Variants in C4orf33 observed in about 807,000 individuals in gnomAD.
C4orf33 encodes UPF0462 protein C4orf33.
In C4orf33, 20 loss-of-function variants were observed where a neutral mutation model predicts 24.3. That is an observed-to-expected ratio of 0.82 (90% CI 0.58 to 1.19). The LOEUF is 1.19. Among genes scored for constraint, C4orf33 ranks in the 50% most tolerant of loss-of-function variants. The probability of loss-of-function intolerance (pLI) is 0.00; values close to 1 mark genes in which losing one functional copy is unlikely to be tolerated. For missense variants in C4orf33, 207 were observed against 225.9 expected (o/e 0.92, Z 0.54); for synonymous variants, 67 against 76.4 (o/e 0.88, Z 0.64).
chr4:129,102,454 A>G (rs2125800603), intron 1 of C4orf33, 148 bp from the exon 2 acceptor site: 3 of 540,912 alleles, frequency 5.5e-6, no homozygotes, highest in South Asian at 5.7e-5. Context: ...GCACAACACA[A>G]GATAGCCTTT....
intron 5 of C4orf33, among the ~76,000 whole-genome samples, chr4:129,111,390 G>C (rs778730212): frequency 2.0e-5 from 3 of 152,266 alleles, no homozygotes; most frequent in Middle Eastern, 3.4e-3. Flanking sequence ...AATATGATTT[G>C]TTTAAAGCTG....
chr4:129,095,529 A>G (rs558236193), upstream of C4orf33, among the ~76,000 whole-genome samples: 11 of 152,356 alleles, frequency 7.2e-5, no homozygotes, highest in Non-Finnish European at 1.5e-5. Context: ...TCAAGCCACC[A>G]TTTAATGTTT....
At chr4:129,097,547 T>C (rs1250901649) in intron 1 of C4orf33, among the ~76,000 whole-genome samples, 1 of 152,262 alleles carries the variant, frequency 6.6e-6, no homozygotes, top group East Asian at 1.9e-4. Context: ...TGTTTCATTG[T>C]ATGGTATAGC....
rs389376 is a variant in C4orf33, at chr4:129,115,024, A to T, written c.*3233A>T. On this transcript the variant is annotated 3_prime_UTR_variant, in exon 6 of 6. Coordinates refer to ENST00000425929, the MANE Select transcript of C4orf33 (RefSeq NM_001099783.2). ...CACCTCACCATTCAAACCACTTGAA[A>T]CTACTGAAGAGTTTGGCCAAATGTG... 3 of 152,038 alleles carry T rather than the reference A, an allele frequency of 2.0e-5. No individual in the cohort carries two copies. Among genetic ancestry groups the T allele is most frequent in the Admixed American group, 1.3e-4 (2 of 15,268 alleles). The allele number at this position is 152,038 out of a possible 1,614,324, so 9.4% of individuals were successfully genotyped here.
At position 129,111,978 on chromosome 4, in the gene C4orf33, G is replaced by A; in HGVS notation, c.*187G>A. On this transcript the variant is annotated 3_prime_UTR_variant, in exon 6 of 6. Transcript: ENST00000425929. ...ACAAGAAAATATATGATTCTTTGTA[G>A]ATGATTTCATCTGTAAAGTCACAAT... The A allele has an allele frequency of 2.2e-6, 1 of 459,196 alleles. No individual in the cohort carries two copies. The highest frequency in any genetic ancestry group is 3.9e-6 in the Non-Finnish European group (1 of 255,758). 28.4% of individuals were successfully genotyped at this position (459,196 alleles called of 1,614,324 possible). A position where few individuals can be genotyped will look rare whatever the true frequency, so the allele number is the denominator to read the frequency against.
intron 5 of C4orf33, among the ~76,000 whole-genome samples, chr4:129,110,881 C>G (rs1228741198): frequency 2.0e-5 from 3 of 151,770 alleles, no homozygotes; most frequent in African/African-American, 7.3e-5. Flanking sequence ...CTGGGATTGA[C>G]AATTGTGATT....
At chr4:129,095,869 T>G (rs1753189694), upstream of C4orf33, among the ~76,000 whole-genome samples, 2 of 152,208 alleles carry the variant, frequency 1.3e-5, no homozygotes, top group African/African-American at 4.8e-5. Context: ...ATATGGCCAG[T>G]TAGCCTTTAG....
chr4:129,102,719 C>T lies in C4orf33; in HGVS notation c.109C>T (p.Pro37Ser). 6.2e-7 allele frequency: 1 copy of T among 1,614,070 alleles called. No individual in the cohort carries two copies. Residue 37 changes from proline (P) to serine (S), a missense_variant, in exon 2 of 6, where the codon CCA (proline) becomes TCA (serine). Transcript: ENST00000425929. ...AGGAGTGATGATGGACATTAGTGCT[C>T]CATTTTTCAGGGATCCTCCAGCCCC... ...DRGVMMDISA[P>S]FFRDPPAPLG...
chr4:129,110,831 T>G (rs761799269), intron 5 of C4orf33, among the ~76,000 whole-genome samples: 1 of 152,120 alleles, frequency 6.6e-6, no homozygotes, highest in Non-Finnish European at 1.5e-5. Context: ...TTCCCCTTCC[T>G]TTTTCTTATC....
At position 129,102,649 on chromosome 4, in the gene C4orf33, A is replaced by T; in HGVS notation, c.39A>T (p.Pro13=). 6.2e-7 allele frequency: 1 copy of T among 1,613,758 alleles called. No homozygotes were observed. The highest frequency in any genetic ancestry group is 2.2e-5 in the East Asian group (1 of 44,852). ...FKIEHTWDGF[P]VKHEPVFIRL... is the part of the protein sequence containing the mutation. ...TTGAACACACTTGGGATGGTTTTCCAGTGAAGCATGAGCCCGTATTTATCA... is the reference window on the plus strand; with the variant it reads ...TTGAACACACTTGGGATGGTTTTCCTGTGAAGCATGAGCCCGTATTTATCA... Residue 13 remains proline, a synonymous_variant, in exon 2 of 6, where the codon CCA becomes CCT. Transcript: ENST00000425929.
rs551777782 is a variant in C4orf33, at chr4:129,114,410, C to T, written c.*2619C>T. 4.6e-5 allele frequency: 7 copies of T among 152,404 alleles called. No individual in the cohort carries two copies. The highest frequency in any genetic ancestry group is 1.7e-4 in the African/African-American group (7 of 41,584). The allele number at this position is 152,404 out of a possible 1,614,324, so 9.4% of individuals were successfully genotyped here. ...CCTGATTACCCACAGCAGTGGCCAACTAGTAACACATTTTTGCATTATCTT... is the reference window on the plus strand; with the variant it reads ...CCTGATTACCCACAGCAGTGGCCAATTAGTAACACATTTTTGCATTATCTT... On this transcript the variant is annotated 3_prime_UTR_variant, in exon 6 of 6. Coordinates refer to ENST00000425929, the MANE Select transcript of C4orf33 (RefSeq NM_001099783.2).
upstream of C4orf33, among the ~76,000 whole-genome samples, chr4:129,095,020 G>T (rs1042484452): frequency 2.6e-5 from 4 of 152,114 alleles, no homozygotes; most frequent in Non-Finnish European, 2.9e-5. Flanking sequence ...CTGATGAGTG[G>T]TATTTACATA....
chr4:129,103,013 C>A, intron 2 of C4orf33: 2 of 350,202 alleles, frequency 5.7e-6, no homozygotes, highest in Non-Finnish European at 5.0e-6. Context: ...ATTACAAATC[C>A]AGATTTTTTT....
rs116359595 is a variant in C4orf33, at chr4:129,106,627, T to C, written c.222T>C (p.Tyr74=). ...AFFLNDITEQ[Y]LEVELCPHGQ... ...TCTTGAATGATATAACTGAGCAATA[T>C]TTAGAAGTTGAACTTTGTCCGTAAG... is the stretch of plus-strand genomic sequence containing the variant. The change falls in exon 3 of 6, where the codon TAT becomes TAC. Residue 74 remains tyrosine, a synonymous_variant. Transcript: ENST00000425929. 6.5e-4 allele frequency: 996 copies of C among 1,542,430 alleles called. No individual in the cohort carries two copies. Among genetic ancestry groups the C allele is most frequent in the Non-Finnish European group, 8.2e-4 (931 of 1,130,294 alleles).
intron 3 of C4orf33, among the ~76,000 whole-genome samples, chr4:129,108,779 T>A (rs1017344062): frequency 6.6e-6 from 1 of 152,228 alleles, no homozygotes; most frequent in Non-Finnish European, 1.5e-5. Context: ...AATCTAAACA[T>A]GAAACTTTAT....
chr4:129,110,797 G>A (rs1344140774), intron 5 of C4orf33, among the ~76,000 whole-genome samples: 1 of 151,650 alleles, frequency 6.6e-6, no homozygotes, highest in Non-Finnish European at 1.5e-5. Flanking sequence ...CCCCAATCCT[G>A]ACATAGCTTT....
chr4:129,109,425 A>G (rs1304461974), intron 4 of C4orf33, 48 bp from the exon 5 acceptor site: 2 of 1,601,440 alleles, frequency 1.2e-6, no homozygotes, highest in Non-Finnish European at 1.7e-6. Context: ...CTATGTTTAA[A>G]GTGTAAGCCC....
Position 129,113,443 on chromosome 4 carries a change from A to G in C4orf33, c.*1652A>G, listed in dbSNP as rs1221062217. On this transcript the variant is annotated 3_prime_UTR_variant, in exon 6 of 6. Coordinates refer to ENST00000425929, the MANE Select transcript of C4orf33 (RefSeq NM_001099783.2). ...TGATATATTCTAGAAACTTGTATCC[A>G]AGAAACTTTTATTTGAGAGTGGGTG... is the stretch of plus-strand genomic sequence containing the variant. 6.6e-6 allele frequency: 1 copy of G among 152,250 alleles called. No individual in the cohort carries two copies. The highest frequency in any genetic ancestry group is 1.5e-5 in the Non-Finnish European group (1 of 68,040). The allele number at this position is 152,250 out of a possible 1,614,324, so 9.4% of individuals were successfully genotyped here.
chr4:129,105,762 A>G (rs72685365), intron 2 of C4orf33, among the ~76,000 whole-genome samples: 41,652 of 152,130 alleles, frequency 0.27, 6,060 homozygotes, highest in South Asian at 0.35. Context: ...TACTTCATAT[A>G]TATTGTTTTA....
Sources: gnomAD v4.1 joint callset for allele counts (sites outside exome capture counted in the v4.1 genomes callset) on GRCh38, gnomAD v4.1.1 for gene constraint, MANE v1.5 for transcripts, NCBI Gene and HGNC (gene_info 2026-07-23, HGNC 2026-07-21) for gene names.